Variants in DYNC2I1 observed in about 807,000 individuals in gnomAD.
DYNC2I1 encodes dynein 2 intermediate chain 1, also known as cytoplasmic dynein 2 intermediate chain 1.
A neutral mutation model predicts 133.4 loss-of-function variants in DYNC2I1; 89 were observed. That is an observed-to-expected ratio of 0.67 (90% CI 0.56 to 0.80). DYNC2I1 has a LOEUF of 0.80. Ranked by LOEUF, DYNC2I1 falls within the 30% of genes least tolerant of loss-of-function variation. The pLI is 0.00. For synonymous variants in DYNC2I1, 504 were observed against 484.3 expected, an observed-to-expected ratio of 1.04 and a Z score of -0.54; for missense variants, 1,291 against 1,314.5, an observed-to-expected ratio of 0.98 and a Z score of 0.28.
Position 158,871,382 on chromosome 7 carries a change from C to G in DYNC2I1, c.310C>G (p.Leu104Val), listed in dbSNP as rs1842859664. ...RDAKDREKEK[L>V]KEKHREAEKS... ...CGCAAAAGACCGGGAGAAAGAAAAG[C>G]TGAAGGAGAAACATCGAGAGGCAGA... The change falls in exon 3 of 25, where the codon CTG (leucine) becomes GTG (valine). Residue 104 changes from leucine to valine, a missense_variant. Transcript: ENST00000407559. 2 of 1,546,514 alleles carry G rather than the reference C, an allele frequency of 1.3e-6. No homozygotes were observed. Among genetic ancestry groups the G allele is most frequent in the Non-Finnish European group, 1.7e-6 (2 of 1,144,150 alleles).
At chr7:158,857,730 G>T (rs1841426080) in intron 1 of DYNC2I1, among the ~76,000 whole-genome samples, 1 of 148,982 alleles carries the variant, frequency 6.7e-6, no homozygotes, top group Non-Finnish European at 1.5e-5. Flanking sequence ...TAGAGATGAG[G>T]TTTCACCGTG....
intron 15 of DYNC2I1, among the ~76,000 whole-genome samples, chr7:158,921,072 A>T (rs749669372): frequency 3.3e-5 from 5 of 152,208 alleles, no homozygotes; most frequent in Non-Finnish European, 7.3e-5. Flanking sequence ...GCCCTCCTGA[A>T]CTTGTGTTTC....
At chr7:158,879,047 C>T (rs755253047) in intron 4 of DYNC2I1, among the ~76,000 whole-genome samples, 11 of 149,598 alleles carry the variant, frequency 7.4e-5, no homozygotes, top group Non-Finnish European at 1.3e-4. Flanking sequence ...CCAGGAGGGC[C>T]GACCGTGAGT....
chr7:158,931,967 C>T (rs559777488), intron 21 of DYNC2I1, among the ~76,000 whole-genome samples: 18 of 152,184 alleles, frequency 1.2e-4, no homozygotes, highest in African/African-American at 2.9e-4. Context: ...GGGAAAGGGC[C>T]GGGAGGAGGC....
At chr7:158,855,151 G>C (rs1841151900), upstream of DYNC2I1, among the ~76,000 whole-genome samples, 1 of 152,256 alleles carries the variant, frequency 6.6e-6, no homozygotes, top group Non-Finnish European at 1.5e-5. Flanking sequence ...CTGTGCAGGA[G>C]ACTAGAGTTT....
chr7:158,850,223 C>T, the DYNC2I1 span, among the ~76,000 whole-genome samples: 533 of 152,228 alleles, frequency 3.5e-3, 7 homozygotes, highest in Middle Eastern at 3.4e-3. Context: ...GGAGCTCCCG[C>T]CCCACCAACT....
At chr7:158,856,392 A>C (rs1841227014), upstream of DYNC2I1, among the ~76,000 whole-genome samples, 3 of 152,198 alleles carry the variant, frequency 2.0e-5, no homozygotes, top group African/African-American at 7.2e-5. Flanking sequence ...CCTTGGGGAG[A>C]CCAACGACCG....
At chr7:158,881,600 T>C (rs959169066) in intron 5 of DYNC2I1, among the ~76,000 whole-genome samples, 4 of 152,014 alleles carry the variant, frequency 2.6e-5, no homozygotes, top group African/African-American at 4.8e-5. Flanking sequence ...ACTACAGGCA[T>C]GTGCCACCAC....
downstream of DYNC2I1, among the ~76,000 whole-genome samples, chr7:158,958,678 C>G (rs942762290): frequency 6.6e-6 from 1 of 152,262 alleles, no homozygotes; most frequent in Non-Finnish European, 1.5e-5. Context: ...TAAACGTTTA[C>G]AGACAAAACT....
In DYNC2I1 at chr7:158,865,482, G is replaced by T. The variant is rs185154622; in HGVS notation, c.16-4373G>T. ...CAGAGGCCCTGGGGAGCTGGTGCTG[G>T]GCAGCCGCTCATCTCCTGTTTGCTT... On this transcript the variant is annotated intron_variant, in intron 1 of 24. Transcript: ENST00000407559. Among the ~76,000 whole-genome samples, 370 of 152,308 alleles carry T rather than the reference G, an allele frequency of 2.4e-3. 3 individuals are homozygous for T. Among genetic ancestry groups the T allele is most frequent in the African/African-American group, 8.6e-3 (358 of 41,552 alleles).
intron 5 of DYNC2I1, among the ~76,000 whole-genome samples, chr7:158,883,640 C>G (rs1332712942): frequency 6.7e-6 from 1 of 148,520 alleles, no homozygotes; most frequent in Non-Finnish European, 1.5e-5. Flanking sequence ...ATGTTCTAAG[C>G]TTCCTGACCA....
chr7:158,883,343 G>A (rs1197825533), intron 5 of DYNC2I1, among the ~76,000 whole-genome samples: 6 of 150,118 alleles, frequency 4.0e-5, no homozygotes, highest in South Asian at 2.1e-4. Flanking sequence ...TCAGCCTCCC[G>A]AGTGGCTGGG....
At chr7:158,876,409 T>C (rs1416455977) in intron 3 of DYNC2I1, among the ~76,000 whole-genome samples, 200 bp from the exon 4 acceptor site, 1 of 152,198 alleles carries the variant, frequency 6.6e-6, no homozygotes, top group East Asian at 1.9e-4. Context: ...TAGATTGCCA[T>C]GTTCATCTCC....
chr7:158,852,611 T>C (rs1032562515), upstream of DYNC2I1, among the ~76,000 whole-genome samples: 11 of 151,236 alleles, frequency 7.3e-5, no homozygotes, highest in Admixed American at 3.3e-4. Flanking sequence ...TGGTGGGAGG[T>C]GCCTGCAGTC....
At chr7:158,861,593 G>A (rs979027807) in intron 1 of DYNC2I1, among the ~76,000 whole-genome samples, 23 of 152,230 alleles carry the variant, frequency 1.5e-4, no homozygotes, top group Admixed American at 1.5e-3. Flanking sequence ...ACTCAGCGCA[G>A]CAGCATTTTA....
intron 24 of DYNC2I1, among the ~76,000 whole-genome samples, chr7:158,942,918 G>A (rs1851516941): frequency 6.6e-6 from 1 of 152,234 alleles, no homozygotes; most frequent in Admixed American, 6.5e-5. Context: ...TGCTTTGTTT[G>A]TTTCACAGCA....
At chr7:158,840,529 T>A in the DYNC2I1 span, among the ~76,000 whole-genome samples, 1 of 152,260 alleles carries the variant, frequency 6.6e-6, no homozygotes, top group Non-Finnish European at 1.5e-5. Flanking sequence ...ATCATGCCAC[T>A]GCACTTCACC....
intron 1 of DYNC2I1, among the ~76,000 whole-genome samples, chr7:158,857,325 T>A (rs906433875): frequency 1.3e-5 from 2 of 152,140 alleles, no homozygotes; most frequent in Non-Finnish European, 2.9e-5. Context: ...TGTGTAAAAG[T>A]GCATAGACCA....
intron 14 of DYNC2I1, 116 bp from the exon 15 acceptor site, chr7:158,918,624 G>A (rs568258900): frequency 4.5e-5 from 54 of 1,191,968 alleles, no homozygotes; most frequent in East Asian, 3.6e-4. Context: ...TTATGATAGC[G>A]TCATGGATCT....
Sources: gnomAD v4.1 joint callset for allele counts (sites outside exome capture counted in the v4.1 genomes callset) on GRCh38, gnomAD v4.1.1 for gene constraint, MANE v1.5 for transcripts, NCBI Gene and HGNC (gene_info 2026-07-23, HGNC 2026-07-21) for gene names.